The following PPM1B variants were observed in gnomAD, a reference collection of about 807,000 sequenced individuals.
PPM1B encodes the protein protein phosphatase, Mg2+/Mn2+ dependent 1B.
In PPM1B, 22 loss-of-function variants were observed where a neutral mutation model predicts 43.0. That is an observed-to-expected ratio of 0.51 (90% CI 0.37 to 0.73). The LOEUF (loss-of-function observed/expected upper bound fraction) is 0.73. PPM1B is among the 30% of genes least tolerant of loss of function. PPM1B has a pLI of 0.00. For synonymous variants in PPM1B, 217 were observed against 197.9 expected (o/e 1.10, Z -0.81); for missense variants, 632 against 584.2 (o/e 1.08, Z -0.84).
chr2:44,216,902 CA>C (rs34344485), intron 3 of PPM1B, among the ~76,000 whole-genome samples: 110 of 140,032 alleles, frequency 7.9e-4, no homozygotes, highest in African/African-American at 8.6e-4. Flanking sequence ...TCCAGTGTCT[CA>C]AAAAAAAAAA....
intron 2 of PPM1B, among the ~76,000 whole-genome samples, chr2:44,205,870 T>G (rs188009328): frequency 7.2e-4 from 110 of 152,280 alleles, no homozygotes; most frequent in African/African-American, 2.5e-3. Context: ...CTATATTAAT[T>G]TATATAACAT....
At chr2:44,200,978 T>G (rs1668905252) in intron 1 of PPM1B, among the ~76,000 whole-genome samples, 1 of 152,192 alleles carries the variant, frequency 6.6e-6, no homozygotes, top group Non-Finnish European at 1.5e-5. Flanking sequence ...ATTTAATTGG[T>G]CTGATTATTC....
Position 44,201,849 on chromosome 2 carries a change from A to G in PPM1B, c.650A>G (p.Glu217Gly). 1 of 1,614,228 alleles carries G rather than the reference A, an allele frequency of 6.2e-7. No individual in the cohort carries two copies. The highest frequency in any genetic ancestry group is 8.5e-7 in the Non-Finnish European group (1 of 1,180,034). Residue 217 changes from glutamate to glycine, a missense_variant, in exon 2 of 6, where the codon GAA becomes GGA. Glu to Gly is a moderately conservative substitution (Grantham distance 98). Around this residue, in one of 3 missense-constraint regions of PPM1B, gnomAD observed 40 missense variants for 80.8 expected, o/e 0.50. Transcript: ENST00000282412. The surrounding 1 kb of genome is among the most constrained non-coding windows in gnomAD (Gnocchi z 5.4). ...TGTGTTGATGGCAAGGGCCCAACAG[A>G]ACAACTTGTTTCTCCAGAGCCTGAG... ...YKCVDGKGPTEQLVSPEPEVY... is the reference protein window; with the variant it reads ...YKCVDGKGPTGQLVSPEPEVY...
downstream of PPM1B, among the ~76,000 whole-genome samples, chr2:44,246,497 G>A (rs146794460): frequency 2.1e-3 from 314 of 152,248 alleles, no homozygotes; most frequent in African/African-American, 7.3e-3. Context: ...CAAGTACTGA[G>A]GCCCTGTGGG....
rs554185609 is a variant in PPM1B, at chr2:44,194,111, T to C, written c.-14-7075T>C. Among the ~76,000 whole-genome samples the C allele has an allele frequency of 2.6e-4, 40 of 152,338 alleles. No individual in the cohort carries two copies. In the South Asian group the frequency reaches 7.5e-3, roughly 28 times the overall value. On this transcript the variant is annotated intron_variant, in intron 1 of 5. Transcript: ENST00000282412. The stretch of plus-strand genomic sequence containing the variant: ...TTTATTTCTCTTAAGGATTTTTTTT[T>C]CCCTAGTCCTTGCATGGTTTTTTCC...
intron 5 of PPM1B, among the ~76,000 whole-genome samples, chr2:44,223,426 C>G (rs946156306): frequency 6.6e-6 from 1 of 152,106 alleles, no homozygotes; most frequent in African/African-American, 2.4e-5. Flanking sequence ...ATTTTTATAT[C>G]ACAGTTTTTA....
chr2:44,196,208 T>C (rs1329279556), intron 1 of PPM1B, among the ~76,000 whole-genome samples: 1 of 152,268 alleles, frequency 6.6e-6, no homozygotes, highest in Non-Finnish European at 1.5e-5. Flanking sequence ...ACGTTACATT[T>C]AGTCATCATG....
intron 2 of PPM1B, among the ~76,000 whole-genome samples, chr2:44,203,559 C>G (rs1042945738): frequency 6.6e-6 from 1 of 152,044 alleles, no homozygotes; most frequent in African/African-American, 2.4e-5. Context: ...TGCCATCCAC[C>G]CTAAGTCAGC....
intron 1 of PPM1B, among the ~76,000 whole-genome samples, chr2:44,174,008 A>C (rs1022305016): frequency 1.3e-5 from 2 of 152,218 alleles, no homozygotes; most frequent in African/African-American, 4.8e-5. Flanking sequence ...AGCTTAATCA[A>C]TTGTAGTATT....
chr2:44,208,545 T>G (rs1669302077), intron 2 of PPM1B, among the ~76,000 whole-genome samples: 1 of 152,100 alleles, frequency 6.6e-6, no homozygotes, highest in South Asian at 2.1e-4. Flanking sequence ...AAACCCCATC[T>G]CTACTAAATA....
At chr2:44,226,735 C>CTTTTTTTTTTTTTTTTT (rs60750702) in intron 5 of PPM1B, among the ~76,000 whole-genome samples, 8 of 66,692 alleles carry the variant, frequency 1.2e-4, no homozygotes, top group African/African-American at 3.2e-4. Flanking sequence ...AGGTTTTTAT[C>CTTTTTTTTTTTTTTTTT]TTTTTTTTTT....
chr2:44,169,029 G>A lies in PPM1B; in HGVS notation c.-260G>A, dbSNP rs115947416. 492 of 163,672 alleles carry A rather than the reference G, an allele frequency of 3.0e-3. No individual in the cohort carries two copies. Among genetic ancestry groups the A allele is most frequent in the African/African-American group, 0.011 (478 of 41,626 alleles). 10.1% of individuals were successfully genotyped at this position (163,672 alleles called of 1,614,324 possible). A position where few individuals can be genotyped will look rare whatever the true frequency, so the allele number is the denominator to read the frequency against. ...TGGTTGGAAGATGCTCCAGAGAGAC[G>A]AGGCTGCGGCGGAGGAGGTGGCGGC... On this transcript the variant is annotated 5_prime_UTR_variant, in exon 1 of 6. Transcript: ENST00000282412.
At chr2:44,225,371 A>G (rs1236690197) in intron 5 of PPM1B, among the ~76,000 whole-genome samples, 1 of 152,214 alleles carries the variant, frequency 6.6e-6, no homozygotes, top group Non-Finnish European at 1.5e-5. Flanking sequence ...AGATAAAGAA[A>G]GTGCAGGAAC....
intron 1 of PPM1B, among the ~76,000 whole-genome samples, chr2:44,179,290 G>T (rs1446685159): frequency 6.6e-6 from 1 of 152,038 alleles, no homozygotes; most frequent in African/African-American, 2.4e-5. Context: ...CACAGTCTTG[G>T]GTATGTCTTT....
downstream of PPM1B, chr2:44,232,893 A>C: frequency 1.0e-6 from 1 of 972,030 alleles, no homozygotes; most frequent in Non-Finnish European, 1.2e-6. Context: ...CTGTATTACC[A>C]AACTGGGTTC....
At chr2:44,222,085 T>C (rs1220008865) in intron 5 of PPM1B, among the ~76,000 whole-genome samples, 1 of 152,092 alleles carries the variant, frequency 6.6e-6, no homozygotes, top group Non-Finnish European at 1.5e-5. Context: ...AAAGCAAAAC[T>C]ACATTTTGCT....
At chr2:44,199,293 C>T (rs1268104244) in intron 1 of PPM1B, among the ~76,000 whole-genome samples, 1 of 125,320 alleles carries the variant, frequency 8.0e-6, no homozygotes, top group Admixed American at 8.6e-5. Context: ...TGGCACGTGC[C>T]TGTAGATCTC....
At position 44,218,073 on chromosome 2, in the gene PPM1B, T is replaced by A. The variant is rs1442551698; in HGVS notation, c.1071T>A (p.Ala357=). Residue 357 remains alanine, a synonymous_variant, in exon 4 of 6, where the codon GCT becomes GCA. Transcript: ENST00000282412. ...ATTTGCCTCCTGGGGGAGGTCTTGC[T>A]GGCAAGTAAGTAGAACAAAAAGCTA... The part of the protein sequence containing the change: ...IPNLPPGGGL[A]GKRNVIEAVY... The A allele has an allele frequency of 6.2e-7, 1 of 1,609,270 alleles. No individual in the cohort carries two copies. The highest frequency in any genetic ancestry group is 8.5e-7 in the Non-Finnish European group (1 of 1,176,638).
rs1558430501 is a variant in PPM1B, at chr2:44,227,427, CCTTT to C, written c.1135-2980_1135-2977del. ...CCATTATCATTATATTGCTGTATTT[CCTTT>C]CTTTCCAGGTATTTTTACATATGCT... On this transcript the variant is annotated intron_variant, in intron 5 of 5. Transcript: ENST00000282412. Among the ~76,000 whole-genome samples, 3 of 152,016 alleles carry C rather than the reference CCTTT, an allele frequency of 2.0e-5. No individual in the cohort carries two copies. In the South Asian group the frequency reaches 6.2e-4, roughly 32 times the overall value.
Sources: gnomAD v4.1 joint callset for allele counts (sites outside exome capture counted in the v4.1 genomes callset) on GRCh38, gnomAD v4.1.1 for gene constraint, gnomAD v4.1.1 regional missense constraint, Gnocchi (gnomAD v3.1) non-coding constraint, MANE v1.5 for transcripts, NCBI Gene and HGNC (gene_info 2026-07-23, HGNC 2026-07-21) for gene names.